The following UGT1A4 variants were observed in gnomAD, a reference collection of about 807,000 sequenced individuals.
UGT1A4 encodes UDP-glucuronosyltransferase 1A4.
A neutral mutation model predicts 41.1 loss-of-function variants in UGT1A4; 32 were observed. The ratio of observed to expected loss-of-function variants is 0.78; its 90% CI spans 0.59 to 1.05. The LOEUF is 1.05. Among genes scored for constraint, UGT1A4 ranks in the 50% least tolerant of loss-of-function variants. The pLI, the probability that UGT1A4 is intolerant of heterozygous loss-of-function variation, is 0.00. For synonymous variants in UGT1A4, 283 were observed against 265.1 expected (o/e 1.07, Z -0.66); for missense variants, 748 against 677.4 (o/e 1.10, Z -1.16).
chr2:233,751,225 C>T (rs1015976096), intron 1 of UGT1A4, among the ~76,000 whole-genome samples: 6 of 151,960 alleles, frequency 3.9e-5, no homozygotes, highest in Admixed American at 3.9e-4. Flanking sequence ...TTAATGACTG[C>T]CCTGCCTGGT....
At position 233,772,787 on chromosome 2, in the gene UGT1A4, A is replaced by T; in HGVS notation, c.*228A>T. The T allele has an allele frequency of 4.0e-6, 5 of 1,249,376 alleles. No individual in the cohort carries two copies. Among genetic ancestry groups the T allele is most frequent in the Non-Finnish European group, 4.2e-6 (4 of 942,894 alleles). The allele number at this position is 1,249,376 out of a possible 1,614,324, so 77.4% of individuals were successfully genotyped here. A position where few individuals can be genotyped will look rare whatever the true frequency, so the allele number is the denominator to read the frequency against. The stretch of plus-strand genomic sequence containing the variant: ...GCCCCCTCTGGTGTCTTTGATCAGG[A>T]TGACATGTGCCATTTTTCAGAGGAC... On this transcript the variant is annotated 3_prime_UTR_variant, in exon 5 of 5. Coordinates refer to ENST00000373409, the MANE Select transcript of UGT1A4 (RefSeq NM_007120.3).
At chr2:233,747,265 C>T in intron 1 of UGT1A4, 1 of 1,599,630 alleles carries the variant, frequency 6.3e-7, no homozygotes, top group Non-Finnish European at 8.5e-7. Context: ...AGGAGTGCTA[C>T]TCCTTCTCAG....
intron 1 of UGT1A4, among the ~76,000 whole-genome samples, chr2:233,738,389 G>A (rs1690778060): frequency 6.6e-6 from 1 of 152,226 alleles, no homozygotes; most frequent in Non-Finnish European, 1.5e-5. Context: ...AAATGTGGAA[G>A]TGACTTGGAA....
chr2:233,754,250 G>A (rs1695430755), intron 1 of UGT1A4: 1 of 169,840 alleles, frequency 5.9e-6, no homozygotes, highest in Non-Finnish European at 1.3e-5. Flanking sequence ...TTTCCCAACG[G>A]AAAAAGGTAA....
intron 1 of UGT1A4, chr2:233,754,387 G>A: frequency 3.3e-6 from 1 of 304,284 alleles, no homozygotes; most frequent in East Asian, 8.4e-5. Flanking sequence ...ACAAACAGAG[G>A]TCCTATCCGT....
intron 1 of UGT1A4, among the ~76,000 whole-genome samples, chr2:233,731,871 C>T (rs542174312): frequency 1.3e-5 from 2 of 152,330 alleles, no homozygotes; most frequent in South Asian, 4.1e-4. Flanking sequence ...CTGTCTTCCA[C>T]AATGGTTGAA....
chr2:233,719,001 C>T lies in UGT1A4; in HGVS notation c.181C>T (p.Leu61Phe), dbSNP rs199607987. Residue 61 changes from leucine (L) to phenylalanine (F), a missense_variant, in exon 1 of 5, where the codon CTC becomes TTC. Transcript: ENST00000373409. ...TGCCAGAGGCCACCAGGCGGTGGTC[C>T]TCACCCCAGAGGTGAATATGCACAT... ...LHARGHQAVV[L>F]TPEVNMHIKE... 45 of 1,614,084 alleles carry T rather than the reference C, an allele frequency of 2.8e-5. No individual in the cohort carries two copies. Among genetic ancestry groups the T allele is most frequent in the African/African-American group, 4.0e-5 (3 of 74,914 alleles).
At chr2:233,720,465 GATGA>G (rs2076862299) in intron 1 of UGT1A4, among the ~76,000 whole-genome samples, 1 of 152,108 alleles carries the variant, frequency 6.6e-6, no homozygotes, top group Non-Finnish European at 1.5e-5. Flanking sequence ...TGGGACCAGT[GATGA>G]ATGGACATGT....
chr2:233,732,623 T>G (rs1263936305), intron 1 of UGT1A4, among the ~76,000 whole-genome samples: 26 of 152,192 alleles, frequency 1.7e-4, no homozygotes, highest in Admixed American at 1.7e-3. Flanking sequence ...TGTAGATGTG[T>G]GGTGTTATTT....
At chr2:233,755,761 TG>T (rs1696013090) in intron 1 of UGT1A4, 1 of 152,946 alleles carries the variant, frequency 6.5e-6, no homozygotes, top group South Asian at 2.1e-4. Flanking sequence ...CATTTGCTTT[TG>T]TTCATCTGGA....
At chr2:233,735,872 G>A (rs1314533195) in intron 1 of UGT1A4, among the ~76,000 whole-genome samples, 1 of 152,196 alleles carries the variant, frequency 6.6e-6, no homozygotes, top group African/African-American at 2.4e-5. Context: ...TTTCTGCAGA[G>A]AGATCTGCTG....
chr2:233,742,362 A>G (rs536204491), intron 1 of UGT1A4, among the ~76,000 whole-genome samples: 1 of 152,110 alleles, frequency 6.6e-6, no homozygotes, highest in South Asian at 2.1e-4. Context: ...TGCAGCAGAA[A>G]CATGTCCTTA....
At chr2:233,736,786 G>A (rs774557184) in intron 1 of UGT1A4, among the ~76,000 whole-genome samples, 1 of 152,166 alleles carries the variant, frequency 6.6e-6, no homozygotes, top group Non-Finnish European at 1.5e-5. Context: ...CTCAGCTGCA[G>A]GTCTGTTGGA....
At chr2:233,758,199 G>A (rs1696818445) in intron 1 of UGT1A4, among the ~76,000 whole-genome samples, 1 of 152,212 alleles carries the variant, frequency 6.6e-6, no homozygotes, top group African/African-American at 2.4e-5. Context: ...TTGCTTAGTA[G>A]TGGTTCTCTG....
At chr2:233,763,030 G>T (rs1698223178) in intron 1 of UGT1A4, among the ~76,000 whole-genome samples, 1 of 152,142 alleles carries the variant, frequency 6.6e-6, no homozygotes, top group South Asian at 2.1e-4. Flanking sequence ...GTTAGCCATT[G>T]TTTTCTGAAC....
At chr2:233,763,725 A>G (rs557422136) in intron 1 of UGT1A4, among the ~76,000 whole-genome samples, 3 of 152,232 alleles carry the variant, frequency 2.0e-5, no homozygotes, top group South Asian at 2.1e-4. Flanking sequence ...AGAAAGCACA[A>G]CCTGGCATTG....
In UGT1A4 at chr2:233,718,773, C is replaced by G. The variant is rs374057137; in HGVS notation, c.-48C>G. Reference sequence around the variant, plus strand: ...ATTAAGGCGAAGGAAACAAATGTAGCAGGCACAGCGTGGGGTGGACAGTCA... The same window carrying G: ...ATTAAGGCGAAGGAAACAAATGTAGGAGGCACAGCGTGGGGTGGACAGTCA... On this transcript the variant is annotated 5_prime_UTR_variant, in exon 1 of 5. Coordinates refer to ENST00000373409, the MANE Select transcript of UGT1A4 (RefSeq NM_007120.3). 9.1e-5 allele frequency: 147 copies of G among 1,612,730 alleles called. 1 individual carries two copies. Among genetic ancestry groups the G allele is most frequent in the Middle Eastern group, 6.0e-4 (3 of 4,988 alleles).
intron 1 of UGT1A4, chr2:233,755,033 G>A (rs1238728031): frequency 2.3e-6 from 3 of 1,314,014 alleles, no homozygotes; most frequent in Non-Finnish European, 3.1e-6. Context: ...AGGGCCTGCC[G>A]CCTGCGCAGC....
chr2:233,755,207 C>T, intron 1 of UGT1A4: 1 of 1,062,486 alleles, frequency 9.4e-7, no homozygotes, highest in South Asian at 1.2e-5. Flanking sequence ...TGCGGTACGC[C>T]TTCTTGATAC....
Sources: gnomAD v4.1 joint callset for allele counts (sites outside exome capture counted in the v4.1 genomes callset) on GRCh38, gnomAD v4.1.1 for gene constraint, MANE v1.5 for transcripts, NCBI Gene and HGNC (gene_info 2026-07-23, HGNC 2026-07-21) for gene names.